The following CNTN5 variants were observed in gnomAD, a reference collection of about 807,000 sequenced individuals.
The protein encoded by CNTN5 is contactin 5, also known as contactin-5.
In CNTN5, 77 loss-of-function variants were observed where a neutral mutation model predicts 129.1. The observed-to-expected ratio is 0.60, with a 90% confidence interval of 0.50 to 0.72. CNTN5 has a LOEUF of 0.72. CNTN5 is among the 30% of genes least tolerant of loss of function. CNTN5 has a pLI of 0.00. For missense variants in CNTN5, 1,478 were observed against 1,328.8 expected, an observed-to-expected ratio of 1.11 and a Z score of -1.75; for synonymous variants, 509 against 465.6, an observed-to-expected ratio of 1.09 and a Z score of -1.20.
intron 17 of CNTN5, among the ~76,000 whole-genome samples, chr11:100,266,857 T>C (rs529660843): frequency 1.3e-5 from 2 of 152,220 alleles, no homozygotes; most frequent in African/African-American, 4.8e-5. Flanking sequence ...ACTAGGCAAT[T>C]TGAACTCTCA....
chr11:100,295,909 G>T (rs565243434), intron 18 of CNTN5, among the ~76,000 whole-genome samples: 2 of 151,384 alleles, frequency 1.3e-5, no homozygotes, highest in African/African-American at 4.8e-5. Flanking sequence ...TGTGAGGAGT[G>T]TATGTGTGTA....
intron 3 of CNTN5, among the ~76,000 whole-genome samples, chr11:99,709,198 C>A (rs1189002190): frequency 6.6e-6 from 1 of 151,902 alleles, no homozygotes; most frequent in Admixed American, 6.6e-5. Flanking sequence ...TCCTTTCATG[C>A]AACTATGATG....
At chr11:99,099,759 T>A (rs1357977726) in intron 1 of CNTN5, among the ~76,000 whole-genome samples, 1 of 152,140 alleles carries the variant, frequency 6.6e-6, no homozygotes, top group East Asian at 1.9e-4. Flanking sequence ...AATCATAAGG[T>A]TGCTGTGATG....
chr11:99,786,601 A>T (rs992738577), intron 3 of CNTN5, among the ~76,000 whole-genome samples: 3 of 152,192 alleles, frequency 2.0e-5, no homozygotes, highest in African/African-American at 7.2e-5. Context: ...CTGACTTCAA[A>T]CTATACTACA....
intron 8 of CNTN5, among the ~76,000 whole-genome samples, chr11:99,995,326 T>C (rs911845526): frequency 6.8e-6 from 1 of 147,802 alleles, no homozygotes; most frequent in East Asian, 2.0e-4. Flanking sequence ...GCCAAAAAAT[T>C]AAAAAAAAAA....
Position 100,285,224 on chromosome 11 carries a change from T to C in CNTN5, c.2315-12401T>C, listed in dbSNP as rs577065040. The stretch of plus-strand genomic sequence containing the variant: ...TCATGAAAAAGTATATTTTTTCATA[T>C]TGAGAAAACATTTTCAGAGTTAAAC... On this transcript the variant is annotated intron_variant, in intron 18 of 24. Transcript: ENST00000524871. Among the ~76,000 whole-genome samples, 14 of 152,336 alleles carry C rather than the reference T, an allele frequency of 9.2e-5. No homozygotes were observed. In the South Asian group the frequency reaches 2.5e-3, roughly 27 times the overall value.
chr11:100,106,674 A>G (rs1235140806), intron 13 of CNTN5, among the ~76,000 whole-genome samples: 1 of 152,182 alleles, frequency 6.6e-6, no homozygotes, highest in Non-Finnish European at 1.5e-5. Context: ...CAAACAAAAA[A>G]ATGAAATACA....
chr11:99,754,176 G>A (rs952336907), intron 3 of CNTN5, among the ~76,000 whole-genome samples: 2 of 152,118 alleles, frequency 1.3e-5, no homozygotes, highest in Non-Finnish European at 2.9e-5. Context: ...ATTGATGATT[G>A]TCCATGCTAT....
At position 99,051,746 on chromosome 11, in the gene CNTN5, T is replaced by C. The variant is rs2135177007; in HGVS notation, c.-210+30476T>C. Among the ~76,000 whole-genome samples the C allele has an allele frequency of 1.3e-5, 2 of 152,026 alleles. 1 individual carries two copies. The highest frequency in any genetic ancestry group is 4.1e-4 in the South Asian group (2 of 4,830). On this transcript the variant is annotated intron_variant, in intron 1 of 24. Transcript: ENST00000524871. ...ATCAGTCAATCCATCCGTTTGCTCT[T>C]GATTCATTAATTCATCGAAGTGTAC...
intron 3 of CNTN5, among the ~76,000 whole-genome samples, chr11:99,799,951 A>G (rs1046972845): frequency 2.6e-5 from 4 of 151,918 alleles, no homozygotes; most frequent in Middle Eastern, 3.2e-3. Flanking sequence ...GAGGGTTTCC[A>G]TTTCTCTCTG....
intron 14 of CNTN5, among the ~76,000 whole-genome samples, chr11:100,192,161 C>T (rs1948514379): frequency 6.6e-6 from 1 of 151,976 alleles, no homozygotes; most frequent in Admixed American, 6.6e-5. Context: ...TCAAACGCAG[C>T]CTTTCAGTTC....
At chr11:100,075,032 G>A (rs1438798079) in intron 13 of CNTN5, among the ~76,000 whole-genome samples, 1 of 152,026 alleles carries the variant, frequency 6.6e-6, no homozygotes, top group Non-Finnish European at 1.5e-5. Flanking sequence ...AAATAATATT[G>A]TACTGTATTA....
chr11:99,332,532 GT>G (rs1013065892), intron 2 of CNTN5, among the ~76,000 whole-genome samples: 1 of 151,782 alleles, frequency 6.6e-6, no homozygotes, highest in African/African-American at 2.4e-5. Flanking sequence ...TACAAAGACA[GT>G]TTTTTTTATC....
chr11:100,337,358 AC>A lies in CNTN5; in HGVS notation c.2731-3104del, dbSNP rs1466662672. On this transcript the variant is annotated intron_variant, in intron 21 of 24. Transcript: ENST00000524871. Reference sequence around the variant, plus strand: ...GGAAGTGATCGATGCACACATGATCACAAAGCGAACAGCCAGCCCTCAGCAG... The same window carrying A: ...GGAAGTGATCGATGCACACATGATCAAAAGCGAACAGCCAGCCCTCAGCAG... The A allele has an allele frequency of 3.6e-6, 3 of 822,418 alleles. No homozygotes were observed. In the East Asian group the frequency reaches 7.3e-5, roughly 20 times the overall value. 50.9% of individuals were successfully genotyped at this position (822,418 alleles called of 1,614,324 possible).
chr11:99,521,216 C>G (rs1466680086), intron 2 of CNTN5, among the ~76,000 whole-genome samples: 4 of 152,174 alleles, frequency 2.6e-5, no homozygotes, highest in Non-Finnish European at 2.9e-5. Flanking sequence ...ATTGTTGGAG[C>G]TGGGGAAAAG....
At chr11:100,169,485 T>A (rs542517557) in intron 13 of CNTN5, among the ~76,000 whole-genome samples, 18 of 152,080 alleles carry the variant, frequency 1.2e-4, no homozygotes, top group African/African-American at 4.3e-4. Context: ...TCAGCAGCCA[T>A]CTACGGTGAA....
intron 6 of CNTN5, among the ~76,000 whole-genome samples, chr11:99,902,989 C>A (rs1319740273): frequency 1.3e-5 from 2 of 152,030 alleles, no homozygotes; most frequent in African/African-American, 4.8e-5. Context: ...CAGCTTCCAA[C>A]GATTTTTTAA....
At chr11:100,045,435 GA>G (rs956923102) in intron 9 of CNTN5, among the ~76,000 whole-genome samples, 7 of 151,200 alleles carry the variant, frequency 4.6e-5, no homozygotes, top group Non-Finnish European at 8.9e-5. Context: ...AGAGATAGAA[GA>G]AAAAAAGGGC....
At chr11:99,987,400 CTTTA>C (rs1938753181) in intron 8 of CNTN5, among the ~76,000 whole-genome samples, 1 of 151,608 alleles carries the variant, frequency 6.6e-6, no homozygotes. Context: ...TGCTATTTCT[CTTTA>C]TATATATACA....
Sources: allele counts gnomAD v4.1 joint callset (sites outside exome capture counted in the v4.1 genomes callset), GRCh38; gene constraint gnomAD v4.1.1; transcripts MANE v1.5; gene names NCBI Gene and HGNC (gene_info 2026-07-23, HGNC 2026-07-21).